The following DNAJB11 variants were observed in gnomAD, a reference collection of about 807,000 sequenced individuals.
DNAJB11 encodes the protein dnaJ homolog subfamily B member 11.
Under a neutral mutation model 47.2 loss-of-function variants are expected in DNAJB11, and 30 were observed. The observed-to-expected ratio is 0.64, with a 90% confidence interval of 0.48 to 0.86. DNAJB11 has a LOEUF of 0.86. Ranked by LOEUF, DNAJB11 falls within the 40% of genes least tolerant of loss-of-function variation. The pLI is 0.00. For missense variants in DNAJB11, 357 were observed against 440.2 expected (o/e 0.81, Z 1.69); for synonymous variants, 151 against 159.9 (o/e 0.94, Z 0.42).
chr3:186,581,208 T>G, intron 4 of DNAJB11, 163 bp from the exon 5 acceptor site: 2 of 708,622 alleles, frequency 2.8e-6, no homozygotes, highest in South Asian at 4.5e-5. Context: ...GGGGGCTGAT[T>G]TGTACTCTTC....
chr3:186,572,092 C>A lies in DNAJB11; in HGVS notation c.69-3C>A. 2 of 1,570,838 alleles carry A rather than the reference C, an allele frequency of 1.3e-6. No homozygotes were observed. Among genetic ancestry groups the A allele is most frequent in the Non-Finnish European group, 8.6e-7 (1 of 1,164,064 alleles). On this transcript the variant is annotated splice_polypyrimidine_tract_variant and splice_region_variant and intron_variant, in intron 1 of 9. Transcript: ENST00000265028. ...TGAAGTATTCTCTCCCTCTACTTCC[C>A]AGACGAGATTTCTATAAGATCTTGG...
intron 8 of DNAJB11, 125 bp from the exon 9 acceptor site, chr3:186,584,305 G>A: frequency 1.1e-6 from 1 of 951,878 alleles, no homozygotes; most frequent in Non-Finnish European, 1.5e-6. Flanking sequence ...TATTTCCTTT[G>A]CTCCTTCATT....
Position 186,575,768 on chromosome 3 carries a change from C to T in DNAJB11, c.226-72C>T. ...GACCCACTGTCAAAGTAAAAACAAA[C>T]ATAAATATGACTGTGCCTTAACTGG... On this transcript the variant is annotated intron_variant, in intron 2 of 9. Coordinates refer to ENST00000265028, the MANE Select transcript of DNAJB11 (RefSeq NM_016306.6). The T allele has an allele frequency of 2.5e-6, 3 of 1,218,964 alleles. No homozygotes were observed. The South Asian group carries it at 3.9e-5, about 16-fold the overall frequency. 75.5% of individuals were successfully genotyped at this position (1,218,964 alleles called of 1,614,324 possible). A position where few individuals can be genotyped will look rare whatever the true frequency, so the allele number is the denominator to read the frequency against.
intron 1 of DNAJB11, 78 bp from the exon 2 acceptor site, chr3:186,572,017 G>T: frequency 2.3e-6 from 3 of 1,299,592 alleles, no homozygotes; most frequent in South Asian, 1.6e-5. Flanking sequence ...CCTAAATGTA[G>T]AGGAAAAATA....
intron 6 of DNAJB11, among the ~76,000 whole-genome samples, 182 bp downstream of exon 6, chr3:186,582,259 C>T (rs1715512624): frequency 6.6e-6 from 1 of 152,160 alleles, no homozygotes; most frequent in Non-Finnish European, 1.5e-5. Flanking sequence ...GAAGCAGTAG[C>T]ATTACCGTTT....
At position 186,585,132 on chromosome 3, in the gene DNAJB11, A is replaced by G. The variant is rs116574492; in HGVS notation, c.1013-212A>G. Among the ~76,000 whole-genome samples, 960 of 152,260 alleles carry G rather than the reference A, an allele frequency of 6.3e-3. 16 individuals are homozygous for G. The highest frequency in any genetic ancestry group is 0.022 in the African/African-American group (897 of 41,548). Reference sequence around the variant, plus strand: ...GAGCTTTGTGGGACATGTATGTGGTATGTGGGCCTAAAAGACAAGGGATCA... The same window carrying G: ...GAGCTTTGTGGGACATGTATGTGGTGTGTGGGCCTAAAAGACAAGGGATCA... On this transcript the variant is annotated intron_variant, in intron 9 of 9. Transcript: ENST00000265028.
intron 4 of DNAJB11, chr3:186,580,596 G>T (rs909308390): frequency 3.3e-5 from 5 of 152,176 alleles, no homozygotes; most frequent in Admixed American, 3.3e-4. Flanking sequence ...TAAAATGTTT[G>T]CTCTGATTAC....
chr3:186,577,306 C>G (rs552837376), intron 3 of DNAJB11, among the ~76,000 whole-genome samples: 1 of 152,284 alleles, frequency 6.6e-6, no homozygotes, highest in Non-Finnish European at 1.5e-5. Flanking sequence ...TACTCTTTCT[C>G]AATAAGTCCA....
rs745553952 is a variant in DNAJB11, at chr3:186,577,775, A to T, written c.431A>T (p.Glu144Val). Reference protein sequence around the residue: ...IIVDLEVTLEEVYAGNFVEVV... With the variant: ...IIVDLEVTLEVVYAGNFVEVV... ...GTAGATCTAGAAGTCACTTTGGAAG[A>T]AGTATATGCAGGAAATTTTGTGGAA... The change falls in exon 4 of 10, where the codon GAA becomes GTA. Residue 144 changes from glutamate (E) to valine (V), a missense_variant. Transcript: ENST00000265028. The T allele has an allele frequency of 6.2e-7, 1 of 1,604,084 alleles. No homozygotes were observed. Among genetic ancestry groups the T allele is most frequent in the Non-Finnish European group, 8.5e-7 (1 of 1,176,584 alleles).
chr3:186,575,122 G>A (rs1173861553), intron 2 of DNAJB11, among the ~76,000 whole-genome samples: 1 of 152,146 alleles, frequency 6.6e-6, no homozygotes, highest in East Asian at 1.9e-4. Flanking sequence ...TTCAAGCAAT[G>A]AAATTGACCT....
At chr3:186,584,613 G>GTGTGTGTGTGTGTGTT in intron 9 of DNAJB11, 24 bp downstream of exon 9, 1 of 1,517,306 alleles carries the variant, frequency 6.6e-7, no homozygotes, top group Non-Finnish European at 8.8e-7. Context: ...GTGTGTGTGT[G>GTGTGTGTGTGTGTGTT]TGTGTGTGTT....
intron 4 of DNAJB11, 93 bp downstream of exon 4, chr3:186,577,893 T>C (rs2108480176): frequency 8.8e-7 from 1 of 1,138,190 alleles, no homozygotes; most frequent in South Asian, 1.9e-5. Context: ...CTCTGTCTTT[T>C]TGAGGGTAAG....
At chr3:186,577,644 T>C in intron 3 of DNAJB11, 24 bp from the exon 4 acceptor site, 1 of 1,505,662 alleles carries the variant, frequency 6.6e-7, no homozygotes, top group Non-Finnish European at 8.9e-7. Flanking sequence ...TTTTTTTTCC[T>C]GATGATTTTG....
intron 2 of DNAJB11, among the ~76,000 whole-genome samples, chr3:186,575,368 C>CGCGCGCGT (rs1406330956): frequency 7.2e-4 from 103 of 143,454 alleles, no homozygotes; most frequent in African/African-American, 2.2e-3. Flanking sequence ...CGCGCGCGCG[C>CGCGCGCGT]GTGTGTGTGT....
chr3:186,585,409 G>C lies in DNAJB11; in HGVS notation c.*1G>C. Reference sequence around the variant, plus strand: ...ATACAATGGACTGCAAGGATATTGAGAGTGAATAAAATTGGACTTTGTTTA... The same window carrying C: ...ATACAATGGACTGCAAGGATATTGACAGTGAATAAAATTGGACTTTGTTTA... On this transcript the variant is annotated 3_prime_UTR_variant, in exon 10 of 10. Coordinates refer to ENST00000265028, the MANE Select transcript of DNAJB11 (RefSeq NM_016306.6). The C allele has an allele frequency of 6.2e-7, 1 of 1,604,744 alleles. No homozygotes were observed. Among genetic ancestry groups the C allele is most frequent in the Non-Finnish European group, 8.5e-7 (1 of 1,175,330 alleles).
chr3:186,580,787 T>C (rs947557000), intron 4 of DNAJB11: 1 of 152,312 alleles, frequency 6.6e-6, no homozygotes, highest in Admixed American at 6.5e-5. Flanking sequence ...CAATTTTACA[T>C]TCTTAGAGGG....
chr3:186,582,133 T>A, intron 6 of DNAJB11, 56 bp downstream of exon 6: 1 of 1,301,378 alleles, frequency 7.7e-7, no homozygotes, highest in African/African-American at 1.5e-5. Flanking sequence ...CTCTGCTTGT[T>A]TGTGAATACC....
At chr3:186,576,722 G>C (rs1251686544) in intron 3 of DNAJB11, among the ~76,000 whole-genome samples, 3 of 152,014 alleles carry the variant, frequency 2.0e-5, no homozygotes, top group Non-Finnish European at 4.4e-5. Flanking sequence ...AGATTTTTAG[G>C]GTCTGTAAAG....
At position 186,585,596 on chromosome 3, in the gene DNAJB11, G is replaced by A. The variant is rs73059440; in HGVS notation, c.*188G>A. On this transcript the variant is annotated 3_prime_UTR_variant, in exon 10 of 10. Coordinates refer to ENST00000265028, the MANE Select transcript of DNAJB11 (RefSeq NM_016306.6). ...TGTCCATTTGCATTCGGAAAAGAAT[G>A]ACCAGCAAAAGGTTTACTAATACCT... The A allele has an allele frequency of 6.6e-4, 280 of 423,478 alleles. 2 individuals are homozygous for A. The highest frequency in any genetic ancestry group is 4.9e-3 in the African/African-American group (237 of 48,288). The allele number at this position is 423,478 out of a possible 1,614,324, so 26.2% of individuals were successfully genotyped here.
Sources: allele counts gnomAD v4.1 joint callset (sites outside exome capture counted in the v4.1 genomes callset), GRCh38; gene constraint gnomAD v4.1.1; transcripts MANE v1.5; gene names NCBI Gene and HGNC (gene_info 2026-07-23, HGNC 2026-07-21).